Variants in GNG12 observed in about 807,000 individuals in gnomAD.
GNG12 encodes G protein subunit gamma 12.
For missense variants in GNG12, 69 were observed against 83.8 expected (o/e 0.82, Z 0.69); for synonymous variants, 28 against 29.7 (o/e 0.94, Z 0.19).
intron 2 of GNG12, among the ~76,000 whole-genome samples, chr1:67,723,498 G>A (rs1191191703): frequency 1.3e-5 from 2 of 152,134 alleles, no homozygotes; most frequent in African/African-American, 4.8e-5. Context: ...AATTTTAGGG[G>A]ATTTTTAGTG....
At chr1:67,727,685 A>G (rs1182583306) in intron 2 of GNG12, among the ~76,000 whole-genome samples, 1 of 152,234 alleles carries the variant, frequency 6.6e-6, no homozygotes, top group Non-Finnish European at 1.5e-5. Flanking sequence ...TACCCAATGT[A>G]GAAATCTGGT....
chr1:67,749,591 C>G (rs774823431), intron 2 of GNG12, among the ~76,000 whole-genome samples: 1 of 152,122 alleles, frequency 6.6e-6, no homozygotes, highest in Non-Finnish European at 1.5e-5. Context: ...CTGATTGCTG[C>G]CCCCAGGAAG....
Position 67,702,131 on chromosome 1 carries a change from A to C in GNG12, c.*3320T>G, listed in dbSNP as rs1188277850. ...GGCTATGATCCAGGCCACTGACTTC[A>C]GGTAAGTGCTCTATTTTAACATACA... On this transcript the variant is annotated 3_prime_UTR_variant, in exon 4 of 4. Transcript: ENST00000370982. The C allele has an allele frequency of 2.0e-5, 3 of 152,400 alleles. No homozygotes were observed. Among genetic ancestry groups the C allele is most frequent in the African/African-American group, 7.2e-5 (3 of 41,488 alleles). 9.4% of individuals were successfully genotyped at this position (152,400 alleles called of 1,614,324 possible).
chr1:67,729,789 G>A (rs747303118), intron 2 of GNG12, among the ~76,000 whole-genome samples: 1 of 152,178 alleles, frequency 6.6e-6, no homozygotes, highest in Admixed American at 6.5e-5. Flanking sequence ...CTCCAAGGGG[G>A]CTCCGTGGAT....
intron 1 of GNG12, among the ~76,000 whole-genome samples, chr1:67,797,115 C>T (rs773435374): frequency 1.3e-5 from 2 of 152,166 alleles, no homozygotes; most frequent in Non-Finnish European, 2.9e-5. Context: ...CACATTTTAA[C>T]ATGAGATTTG....
chr1:67,717,290 C>A (rs912614642), intron 2 of GNG12, among the ~76,000 whole-genome samples: 25 of 152,004 alleles, frequency 1.6e-4, no homozygotes, highest in African/African-American at 5.8e-4. Flanking sequence ...CCGAGGCAGG[C>A]AGATCACTTG....
At chr1:67,793,584 T>G (rs972355497) in intron 1 of GNG12, among the ~76,000 whole-genome samples, 1 of 152,154 alleles carries the variant, frequency 6.6e-6, no homozygotes, top group Non-Finnish European at 1.5e-5. Flanking sequence ...GTTGTGCTTG[T>G]GCAGTTTAAC....
chr1:67,725,091 G>A (rs1468923991), intron 2 of GNG12, among the ~76,000 whole-genome samples: 3 of 152,124 alleles, frequency 2.0e-5, no homozygotes, highest in Admixed American at 1.3e-4. Context: ...AGCATGGACA[G>A]GATTAAAAAA....
At chr1:67,797,127 A>AG (rs1229632678) in intron 1 of GNG12, among the ~76,000 whole-genome samples, 2 of 152,194 alleles carry the variant, frequency 1.3e-5, no homozygotes, top group African/African-American at 2.4e-5. Flanking sequence ...TGAGATTTGG[A>AG]GGGGACAAAC....
intron 2 of GNG12, among the ~76,000 whole-genome samples, chr1:67,763,013 G>C (rs1457648935): frequency 2.6e-5 from 4 of 151,152 alleles, no homozygotes; most frequent in African/African-American, 9.7e-5. Context: ...TTCAGACTTA[G>C]AGAATAGTCG....
rs142924489 is a variant in GNG12, at chr1:67,811,357, G to A, written c.-77+21987C>T. 2.8e-4 allele frequency among the ~76,000 whole-genome samples: 43 copies of A among 152,172 alleles called. No individual in the cohort carries two copies. In the East Asian group the frequency reaches 7.7e-3, roughly 27 times the overall value. Reference sequence around the variant, plus strand: ...CTCTGGGGCAGGGAAATGCTCTTTGGCCATTAGAGATACTACAATTTTTGG... The same window carrying A: ...CTCTGGGGCAGGGAAATGCTCTTTGACCATTAGAGATACTACAATTTTTGG... On this transcript the variant is annotated intron_variant, in intron 1 of 3. Transcript: ENST00000370982.
At chr1:67,720,575 C>T (rs1323515137) in intron 2 of GNG12, among the ~76,000 whole-genome samples, 1 of 152,168 alleles carries the variant, frequency 6.6e-6, no homozygotes, top group Non-Finnish European at 1.5e-5. Context: ...AAAACAAAAG[C>T]TAACATTTAG....
intron 2 of GNG12, among the ~76,000 whole-genome samples, chr1:67,767,616 T>C (rs894363300): frequency 1.3e-5 from 2 of 152,196 alleles, no homozygotes; most frequent in African/African-American, 4.8e-5. Context: ...GACAGCAAAA[T>C]AAAGTGACCT....
chr1:67,773,743 C>A (rs1450303963), intron 2 of GNG12, among the ~76,000 whole-genome samples: 1 of 152,132 alleles, frequency 6.6e-6, no homozygotes, highest in Admixed American at 6.5e-5. Context: ...AGTTATTTTT[C>A]TTTTAGAACA....
intron 2 of GNG12, among the ~76,000 whole-genome samples, chr1:67,751,573 G>GT (rs1646538935): frequency 6.6e-6 from 1 of 152,168 alleles, no homozygotes; most frequent in Non-Finnish European, 1.5e-5. Flanking sequence ...CAGGGTTGCT[G>GT]TGTTTGGGGT....
At chr1:67,833,028 G>A (rs999980314) in intron 1 of GNG12, among the ~76,000 whole-genome samples, 6 of 151,952 alleles carry the variant, frequency 3.9e-5, no homozygotes, top group African/African-American at 1.2e-4. Flanking sequence ...AGCCACAGCC[G>A]TGGGGGCGGC....
chr1:67,761,643 G>A (rs533413090), intron 2 of GNG12, among the ~76,000 whole-genome samples: 2 of 152,272 alleles, frequency 1.3e-5, no homozygotes, highest in Non-Finnish European at 2.9e-5. Flanking sequence ...TGGCTCTTTG[G>A]TTTTATGATT....
intron 2 of GNG12, among the ~76,000 whole-genome samples, chr1:67,742,142 G>A (rs1646486155): frequency 6.6e-6 from 1 of 152,196 alleles, no homozygotes; most frequent in East Asian, 1.9e-4. Flanking sequence ...GCATCAATTA[G>A]GGTGAACCGG....
At chr1:67,812,640 C>T (rs1646932578) in intron 1 of GNG12, among the ~76,000 whole-genome samples, 1 of 152,194 alleles carries the variant, frequency 6.6e-6, no homozygotes, top group East Asian at 1.9e-4. Flanking sequence ...AGGCCTCTCA[C>T]TTGGTGAGAA....
Sources: allele counts gnomAD v4.1 joint callset (sites outside exome capture counted in the v4.1 genomes callset), GRCh38; gene constraint gnomAD v4.1.1; transcripts MANE v1.5; gene names NCBI Gene and HGNC (gene_info 2026-07-23, HGNC 2026-07-21).